Variants in HACD3 observed in about 807,000 individuals in gnomAD.
The protein encoded by HACD3 is very-long-chain (3R)-3-hydroxyacyl-CoA dehydratase 3.
HACD3 carries 30 observed loss-of-function variants against 55.2 expected under a neutral mutation model. The observed-to-expected ratio is 0.54, with a 90% CI of 0.41 to 0.74. The LOEUF (loss-of-function observed/expected upper bound fraction) is 0.74. Among genes scored for constraint, HACD3 ranks in the 30% least tolerant of loss-of-function variants. The pLI is 0.00. For missense variants in HACD3, 363 were observed against 440.1 expected, an observed-to-expected ratio of 0.82 and a Z score of 1.57; for synonymous variants, 141 against 151.7, an observed-to-expected ratio of 0.93 and a Z score of 0.52.
At chr15:65,574,938 A>T (rs867044704) in intron 10 of HACD3, among the ~76,000 whole-genome samples, 1 of 152,248 alleles carries the variant, frequency 6.6e-6, no homozygotes, top group Non-Finnish European at 1.5e-5. Context: ...GACATTTAAA[A>T]TATTTTAGTG....
At chr15:65,564,190 C>G in intron 6 of HACD3, 25 bp from the exon 7 acceptor site, 1 of 1,608,408 alleles carries the variant, frequency 6.2e-7, no homozygotes, top group Non-Finnish European at 8.5e-7. Context: ...ACTGATTCAC[C>G]CTTAATGTAT....
intron 1 of HACD3, among the ~76,000 whole-genome samples, chr15:65,544,577 C>T (rs1437605577): frequency 6.6e-6 from 1 of 151,722 alleles, no homozygotes; most frequent in Non-Finnish European, 1.5e-5. Context: ...TGTGGGTACA[C>T]AGTAGGTGTG....
intron 1 of HACD3, among the ~76,000 whole-genome samples, chr15:65,550,195 C>G (rs1393541129): frequency 6.6e-6 from 1 of 152,118 alleles, no homozygotes; most frequent in Non-Finnish European, 1.5e-5. Context: ...CAAGACTAGC[C>G]TGGCCAACAT....
At chr15:65,554,465 CT>C (rs2072167172) in intron 2 of HACD3, among the ~76,000 whole-genome samples, 1 of 152,116 alleles carries the variant, frequency 6.6e-6, no homozygotes, top group African/African-American at 2.4e-5. Context: ...GCTTCTTGGC[CT>C]TTTGGCTACA....
intron 1 of HACD3, among the ~76,000 whole-genome samples, chr15:65,533,273 T>C (rs1212529068): frequency 1.3e-5 from 2 of 151,988 alleles, no homozygotes; most frequent in African/African-American, 2.4e-5. Flanking sequence ...AGGATTTGGG[T>C]GTTGGTGATT....
intron 8 of HACD3, 83 bp from the exon 9 acceptor site, chr15:65,571,465 A>G: frequency 1.0e-6 from 1 of 992,914 alleles, no homozygotes; most frequent in South Asian, 1.5e-5. Flanking sequence ...TGAGAAATAG[A>G]ATTCTTCTAT....
chr15:65,562,938 AT>A (rs2072257989), intron 6 of HACD3, 54 bp downstream of exon 6: 2 of 1,595,416 alleles, frequency 1.3e-6, no homozygotes, highest in East Asian at 2.2e-5. Context: ...TTGGCCCAGT[AT>A]TCACCAAAGG....
chr15:65,531,223 G>C (rs2071895105), intron 1 of HACD3: 1 of 148,938 alleles, frequency 6.7e-6, no homozygotes, highest in South Asian at 2.1e-4. Context: ...AGGGGGAGGG[G>C]TGGGGGGCCA....
chr15:65,548,674 G>A (rs1596208892), intron 1 of HACD3, among the ~76,000 whole-genome samples: 1 of 152,018 alleles, frequency 6.6e-6, no homozygotes, highest in East Asian at 1.9e-4. Flanking sequence ...CTGGGCTCAA[G>A]TTGTCCTCCC....
At chr15:65,575,958 G>A (rs577085974) in intron 10 of HACD3, among the ~76,000 whole-genome samples, 1 of 152,290 alleles carries the variant, frequency 6.6e-6, no homozygotes, top group East Asian at 1.9e-4. Flanking sequence ...GCCAGGCATG[G>A]TGGTGGACGC....
At chr15:65,566,417 A>T (rs190288946) in intron 7 of HACD3, 1 of 154,156 alleles carries the variant, frequency 6.5e-6, no homozygotes, top group East Asian at 1.9e-4. Flanking sequence ...TTACAGTTCC[A>T]TGTGGCGGGG....
intron 5 of HACD3, among the ~76,000 whole-genome samples, chr15:65,560,496 A>C (rs1486882449): frequency 1.3e-5 from 2 of 152,148 alleles, no homozygotes; most frequent in Non-Finnish European, 2.9e-5. Flanking sequence ...CAGTCTGCCC[A>C]TCTTTCAAAG....
Position 65,571,673 on chromosome 15 carries a change from A to G in HACD3, c.880+19A>G, listed in dbSNP as rs370425569. 6 of 1,568,998 alleles carry G rather than the reference A, an allele frequency of 3.8e-6. No homozygotes were observed. Among genetic ancestry groups the G allele is most frequent in the Middle Eastern group, 1.7e-4 (1 of 5,974 alleles). On this transcript the variant is annotated intron_variant, in intron 9 of 10. Coordinates refer to ENST00000261875, the MANE Select transcript of HACD3 (RefSeq NM_016395.4). ...GCGGAAGGTACTCTCAGGGACTCTTAGCTTTCATAGCTTAGCTCCAGGGGG... is the reference window on the plus strand; with the variant it reads ...GCGGAAGGTACTCTCAGGGACTCTTGGCTTTCATAGCTTAGCTCCAGGGGG...
At chr15:65,570,709 AG>A (rs1461459674) in intron 8 of HACD3, among the ~76,000 whole-genome samples, 1 of 152,206 alleles carries the variant, frequency 6.6e-6, no homozygotes, top group African/African-American at 2.4e-5. Context: ...AAATGGATCT[AG>A]TTAAAGTAGA....
intron 2 of HACD3, 157 bp downstream of exon 2, chr15:65,551,875 G>A: frequency 4.2e-6 from 3 of 715,738 alleles, no homozygotes; most frequent in Admixed American, 6.1e-5. Flanking sequence ...TGAAATATAT[G>A]ATTAGAAAAG....
In HACD3 at chr15:65,556,671, C is replaced by T. The variant is rs1284814603; in HGVS notation, c.205-68C>T. On this transcript the variant is annotated intron_variant, in intron 3 of 10. Coordinates refer to ENST00000261875, the MANE Select transcript of HACD3 (RefSeq NM_016395.4). Reference sequence around the variant, plus strand: ...TATATCCTGCAGCTTCTATGTACGGCGCCCCTGGCATGGTGCTGCTTCAGG... The same window carrying T: ...TATATCCTGCAGCTTCTATGTACGGTGCCCCTGGCATGGTGCTGCTTCAGG... The T allele has an allele frequency of 4.0e-5, 58 of 1,443,198 alleles. No homozygotes were observed. In the South Asian group the frequency reaches 7.0e-4, roughly 17 times the overall value. 89.4% of individuals were successfully genotyped at this position (1,443,198 alleles called of 1,614,324 possible).
At chr15:65,557,257 C>T (rs2072201563) in intron 4 of HACD3, among the ~76,000 whole-genome samples, 1 of 152,106 alleles carries the variant, frequency 6.6e-6, no homozygotes, top group Non-Finnish European at 1.5e-5. Flanking sequence ...GCGTGGATCA[C>T]GAGGTCAGGA....
chr15:65,553,321 A>G (rs913098400), intron 2 of HACD3: 1 of 151,804 alleles, frequency 6.6e-6, no homozygotes, highest in Non-Finnish European at 1.5e-5. Context: ...GAGAAACACT[A>G]CACTCTAGAT....
intron 5 of HACD3, among the ~76,000 whole-genome samples, chr15:65,559,273 C>A (rs1318905724): frequency 6.6e-6 from 1 of 152,094 alleles, no homozygotes; most frequent in Non-Finnish European, 1.5e-5. Context: ...AGATTAAATT[C>A]AGCAGCTATC....
Sources: allele counts gnomAD v4.1 joint callset (sites outside exome capture counted in the v4.1 genomes callset), GRCh38; gene constraint gnomAD v4.1.1; transcripts MANE v1.5; gene names NCBI Gene and HGNC (gene_info 2026-07-23, HGNC 2026-07-21).